GPHN: variants seen among roughly 807,000 people sequenced by gnomAD.
GPHN encodes gephyrin.
A neutral mutation model predicts 95.5 loss-of-function variants in GPHN; 17 were observed. The ratio of observed to expected loss-of-function variants is 0.18; its 90% CI spans 0.12 to 0.27. The LOEUF is 0.27. Among genes scored for constraint, GPHN ranks in the 10% least tolerant of loss-of-function variants. The pLI is 1.00. For missense variants in GPHN, 660 were observed against 978.1 expected, an observed-to-expected ratio of 0.67 and a Z score of 4.34; for synonymous variants, 320 against 322.5, an observed-to-expected ratio of 0.99 and a Z score of 0.08.
chr14:67,551,658 G>A, the GPHN span, among the ~76,000 whole-genome samples: 2 of 152,254 alleles, frequency 1.3e-5, no homozygotes, highest in East Asian at 1.9e-4. Flanking sequence ...GGAGGCCGAG[G>A]CAGGCGAATC....
chr14:66,780,920 A>G (rs2059582239), intron 3 of GPHN, among the ~76,000 whole-genome samples: 1 of 152,206 alleles, frequency 6.6e-6, no homozygotes, highest in Non-Finnish European at 1.5e-5. Context: ...TGAATTTGAT[A>G]TGCTACCTAT....
chr14:66,934,138 C>CAAA (rs376252931), intron 8 of GPHN, among the ~76,000 whole-genome samples: 13 of 78,874 alleles, frequency 1.6e-4, no homozygotes, highest in East Asian at 3.2e-4. Flanking sequence ...GACTCTGTCT[C>CAAA]AAAAAAAAAA....
the GPHN span, among the ~76,000 whole-genome samples, chr14:67,572,902 GTCT>G: frequency 2.0e-5 from 3 of 152,174 alleles, no homozygotes; most frequent in Non-Finnish European, 4.4e-5. Context: ...GCCTGGAATG[GTCT>G]TCTTCCTCCT....
At chr14:67,247,933 T>C in the GPHN span, among the ~76,000 whole-genome samples, 1 of 152,284 alleles carries the variant, frequency 6.6e-6, no homozygotes, top group Admixed American at 6.5e-5. Context: ...TAAAAAATGA[T>C]ATTAGCTGTA....
At chr14:67,572,593 GC>G in the GPHN span, among the ~76,000 whole-genome samples, 2 of 147,156 alleles carry the variant, frequency 1.4e-5, no homozygotes, top group African/African-American at 4.9e-5. Context: ...GAATACTAAC[GC>G]AAGCTAACAT....
At chr14:67,281,630 T>C in the GPHN span, among the ~76,000 whole-genome samples, 1 of 152,172 alleles carries the variant, frequency 6.6e-6, no homozygotes, top group Non-Finnish European at 1.5e-5. Flanking sequence ...GATTAAAGTA[T>C]TTGTCCATTT....
intron 19 of GPHN, among the ~76,000 whole-genome samples, chr14:67,163,405 C>T (rs1390384328): frequency 6.6e-6 from 1 of 151,958 alleles, no homozygotes; most frequent in African/African-American, 2.4e-5. Context: ...GGTTCTCAAA[C>T]CTAAAACCAG....
the GPHN span, chr14:67,645,664 T>C: frequency 6.2e-7 from 1 of 1,613,864 alleles, no homozygotes; most frequent in South Asian, 1.1e-5. Context: ...GTACCATTAG[T>C]GGCCATGCCC....
Position 66,831,213 on chromosome 14 carries a change from A to C in GPHN, c.294+6647A>C, listed in dbSNP as rs556531735. 1.8e-4 allele frequency among the ~76,000 whole-genome samples: 28 copies of C among 152,278 alleles called. No homozygotes were observed. The South Asian group carries it at 5.8e-3, about 32-fold the overall frequency. Reference sequence around the variant, plus strand: ...CATTTTAACAGAAGCATAGCAAAAAATACCATATTTAATCATTTGTTTTTG... The same window carrying C: ...CATTTTAACAGAAGCATAGCAAAAACTACCATATTTAATCATTTGTTTTTG... On this transcript the variant is annotated intron_variant, in intron 4 of 22. Transcript: ENST00000478722.
chr14:66,544,066 TTATTCTTTTCTTTAGTCTTTCCACTTC>T (rs1295053423), intron 1 of GPHN, among the ~76,000 whole-genome samples: 4 of 152,212 alleles, frequency 2.6e-5, no homozygotes, highest in Admixed American at 1.3e-4. Flanking sequence ...CTTTCTACTT[TTATTCTTTTCTTTAGTCTTTCCACTTC>T]TATTCTTTTC....
chr14:66,915,982 C>G (rs1357879023), intron 5 of GPHN, 21 bp from the exon 6 acceptor site: 1 of 1,434,182 alleles, frequency 7.0e-7, no homozygotes, highest in Non-Finnish European at 9.8e-7. Flanking sequence ...TAGTGTTCAT[C>G]TACTTTCTCT....
At chr14:67,053,053 A>G (rs1206632592) in intron 10 of GPHN, among the ~76,000 whole-genome samples, 1 of 147,050 alleles carries the variant, frequency 6.8e-6, no homozygotes, top group Non-Finnish European at 1.5e-5. Context: ...ACCAAGAGCA[A>G]AAAAGAAAAA....
chr14:67,225,962 T>TGTGTGTGTGTGTGTGTGTGTGTGC, the GPHN span, among the ~76,000 whole-genome samples: 6 of 113,516 alleles, frequency 5.3e-5, no homozygotes, highest in African/African-American at 1.5e-4. Context: ...TGTGTGTGTG[T>TGTGTGTGTGTGTGTGTGTGTGTGC]GCGCGCGCGC....
chr14:66,615,210 C>T (rs978606041), intron 1 of GPHN, among the ~76,000 whole-genome samples: 1 of 152,106 alleles, frequency 6.6e-6, no homozygotes, highest in Non-Finnish European at 1.5e-5. Flanking sequence ...GATTTATAAT[C>T]CTTTGGGTAT....
chr14:67,121,265 T>C (rs2078998244), intron 16 of GPHN, among the ~76,000 whole-genome samples: 1 of 152,186 alleles, frequency 6.6e-6, no homozygotes, highest in South Asian at 2.1e-4. Context: ...TACTCTTAGG[T>C]ATTTTATAAT....
the GPHN span, among the ~76,000 whole-genome samples, chr14:67,599,806 G>A: frequency 3.5e-3 from 528 of 152,320 alleles, 5 homozygotes; most frequent in African/African-American, 0.012. Context: ...AGCCACGGAA[G>A]GGGAATGTAC....
intron 10 of GPHN, among the ~76,000 whole-genome samples, chr14:67,053,863 G>A (rs1282737257): frequency 4.6e-5 from 7 of 151,932 alleles, no homozygotes; most frequent in Admixed American, 1.3e-4. Flanking sequence ...CACAAAAACC[G>A]CATGATTATC....
intron 11 of GPHN, among the ~76,000 whole-genome samples, chr14:67,081,204 T>C (rs2076681971): frequency 6.6e-6 from 1 of 152,226 alleles, no homozygotes; most frequent in Non-Finnish European, 1.5e-5. Context: ...CCATAGTGGT[T>C]GTACAAGTTT....
chr14:67,707,335 C>G, the GPHN span, among the ~76,000 whole-genome samples: 1 of 152,224 alleles, frequency 6.6e-6, no homozygotes, highest in Non-Finnish European at 1.5e-5. Context: ...AATCTTTTCT[C>G]TCTCCAGTTT....
Sources: gnomAD v4.1 joint callset for allele counts (sites outside exome capture counted in the v4.1 genomes callset) on GRCh38, gnomAD v4.1.1 for gene constraint, MANE v1.5 for transcripts, NCBI Gene and HGNC (gene_info 2026-07-23, HGNC 2026-07-21) for gene names.